The following EMP3 variants were observed in gnomAD, a reference collection of about 807,000 sequenced individuals.
EMP3 encodes epithelial membrane protein 3 (MAM blood group), also known as epithelial membrane protein 3.
A neutral mutation model predicts 21.6 loss-of-function variants in EMP3; 15 were observed. The observed-to-expected ratio is 0.69, with a 90% CI of 0.46 to 1.07. EMP3 has a LOEUF of 1.07. EMP3 is among the 50% of genes least tolerant of loss of function. The pLI is 0.00. For missense variants in EMP3, 183 were observed against 206.6 expected (o/e 0.89, Z 0.70); for synonymous variants, 107 against 86.1 (o/e 1.24, Z -1.34).
chr19:48,327,868 C>T (rs951812928), intron 3 of EMP3: 20 of 463,862 alleles, frequency 4.3e-5, no homozygotes, highest in Admixed American at 1.1e-4. Context: ...AGTGCAGTGG[C>T]GCAATCTTGG....
intron 1 of EMP3, chr19:48,326,149 C>G (rs965807187): frequency 4.6e-5 from 7 of 152,096 alleles, no homozygotes; most frequent in Non-Finnish European, 2.9e-5. Flanking sequence ...TCACCAGGTC[C>G]CCCTCCTCCC....
Position 48,329,490 on chromosome 19 carries a change from C to G in EMP3, c.320C>G (p.Thr107Ser), listed in dbSNP as rs144587503. 1.2e-6 allele frequency: 2 copies of G among 1,613,952 alleles called. No individual in the cohort carries two copies. The highest frequency in any genetic ancestry group is 1.7e-5 in the Admixed American group (1 of 59,986). ...GCCACCGGCCTCTGCCAGCTTTGCA[C>G]CAGTGAGCACTGCCCCTCCCCAACC... ...FYATGLCQLC[T>S]SVAVFTGALI... The change falls in exon 4 of 5, where the codon ACC becomes AGC. Residue 107 changes from threonine to serine, a missense_variant and splice_region_variant. By Grantham distance (58) the Thr-to-Ser change is moderately conservative (BLOSUM62 1). Transcript: ENST00000270221. The surrounding 1 kb of genome is among the most constrained non-coding windows in gnomAD (Gnocchi z 4.5).
intron 3 of EMP3, chr19:48,327,942 G>A: frequency 3.2e-6 from 1 of 316,552 alleles, no homozygotes; most frequent in East Asian, 7.9e-5. Context: ...CGAGTAGCTG[G>A]GACTGCAGGT....
At position 48,328,426 on chromosome 19, in the gene EMP3, A is replaced by C. The variant is rs537355900; in HGVS notation, c.181+803A>C. ...GATTCTGTCTCAAAAAAAAAAAAAAAAAAAAAGAATAGAGAAAAATCTCCC... is the reference window on the plus strand; with the variant it reads ...GATTCTGTCTCAAAAAAAAAAAAAACAAAAAAGAATAGAGAAAAATCTCCC... On this transcript the variant is annotated intron_variant, in intron 3 of 4. Transcript: ENST00000270221. 6.6e-5 allele frequency among the ~76,000 whole-genome samples: 10 copies of C among 151,580 alleles called. No individual in the cohort carries two copies. The East Asian group carries it at 1.2e-3, about 18-fold the overall frequency.
chr19:48,325,840 T>A (rs1191361202), intron 1 of EMP3, among the ~76,000 whole-genome samples: 1 of 152,038 alleles, frequency 6.6e-6, no homozygotes, highest in African/African-American at 2.4e-5. Context: ...CTGCAGTTTT[T>A]CCCTCAGCGG....
intron 1 of EMP3, among the ~76,000 whole-genome samples, chr19:48,326,344 C>G (rs1969122272): frequency 6.6e-6 from 1 of 152,014 alleles, no homozygotes; most frequent in Non-Finnish European, 1.5e-5. Flanking sequence ...ATTCAAGGAA[C>G]CCAAGAGTCC....
chr19:48,327,641 C>A lies in EMP3; in HGVS notation c.181+18C>A. 1 of 1,605,084 alleles carries A rather than the reference C, an allele frequency of 6.2e-7. No individual in the cohort carries two copies. The highest frequency in any genetic ancestry group is 8.5e-7 in the Non-Finnish European group (1 of 1,173,354). On this transcript the variant is annotated intron_variant, in intron 3 of 4. Transcript: ENST00000270221. ...CGAGAATGGTGAGGGGTGAGGGCGG[C>A]GGGACTGGTCTTCAAAGGGGAAGGT...
intron 1 of EMP3, chr19:48,325,987 C>G (rs549306182): frequency 4.6e-5 from 7 of 152,366 alleles, no homozygotes; most frequent in Admixed American, 6.5e-5. Context: ...TCTCTTCCCC[C>G]CAGCGCGAAT....
chr19:48,326,720 C>G, intron 1 of EMP3, 110 bp from the exon 2 acceptor site: 2 of 840,048 alleles, frequency 2.4e-6, no homozygotes, highest in East Asian at 5.0e-5. Flanking sequence ...GATCTCCTGA[C>G]CTCAGGTGAT....
At chr19:48,326,987 A>C in intron 2 of EMP3, 65 bp downstream of exon 2, 1 of 1,390,850 alleles carries the variant, frequency 7.2e-7, no homozygotes, top group Non-Finnish European at 1.0e-6. Flanking sequence ...CCCCTCCTCT[A>C]AAGGCATTCT....
chr19:48,325,741 A>T (rs2147343708), intron 1 of EMP3, 131 bp downstream of exon 1: 1 of 152,202 alleles, frequency 6.6e-6, no homozygotes, highest in South Asian at 2.1e-4. Context: ...TTAATAAGTG[A>T]TCTCTTAGCA....
chr19:48,326,631 C>T (rs1027683875), intron 1 of EMP3, among the ~76,000 whole-genome samples, 199 bp from the exon 2 acceptor site: 6 of 151,754 alleles, frequency 4.0e-5, no homozygotes, highest in Non-Finnish European at 7.4e-5. Flanking sequence ...GCTGGGATTA[C>T]AGGTGTGCAC....
At chr19:48,326,691 T>A in intron 1 of EMP3, 139 bp from the exon 2 acceptor site, 1 of 697,874 alleles carries the variant, frequency 1.4e-6, no homozygotes, top group Non-Finnish European at 2.6e-6. Context: ...GGTTTCACCA[T>A]GTTGGCCAGG....
At position 48,329,189 on chromosome 19, in the gene EMP3, CAG is replaced by C. The variant is rs770904350; in HGVS notation, c.182-162_182-161del. 1 of 795,722 alleles carries C rather than the reference CAG, an allele frequency of 1.3e-6. No individual in the cohort carries two copies. Among genetic ancestry groups the C allele is most frequent in the Non-Finnish European group, 2.0e-6 (1 of 510,656 alleles). The allele number at this position is 795,722 out of a possible 1,614,324, so 49.3% of individuals were successfully genotyped here. A position where few individuals can be genotyped will look rare whatever the true frequency, so the allele number is the denominator to read the frequency against. On this transcript the variant is annotated intron_variant, in intron 3 of 4. Coordinates refer to ENST00000270221, the MANE Select transcript of EMP3 (RefSeq NM_001425.3). The surrounding 1 kb of genome is among the most constrained non-coding windows in gnomAD (Gnocchi z 4.5). ...CTGAGAAGGGAATATAGCAAGGTAACAGGGCTCAAGGTCAAAATAAGTGATAC... is the reference window on the plus strand; with the variant it reads ...CTGAGAAGGGAATATAGCAAGGTAACGGCTCAAGGTCAAAATAAGTGATAC...
rs767665615 is a variant in EMP3 at position 48,327,638 on chromosome 19, C to T, written c.181+15C>T. ...CAGCGAGAATGGTGAGGGGTGAGGGCGGCGGGACTGGTCTTCAAAGGGGAA... is the reference window on the plus strand; with the variant it reads ...CAGCGAGAATGGTGAGGGGTGAGGGTGGCGGGACTGGTCTTCAAAGGGGAA... On this transcript the variant is annotated intron_variant, in intron 3 of 4. Coordinates refer to ENST00000270221, the MANE Select transcript of EMP3 (RefSeq NM_001425.3). 4 of 1,608,694 alleles carry T rather than the reference C, an allele frequency of 2.5e-6. No homozygotes were observed. Among genetic ancestry groups the T allele is most frequent in the African/African-American group, 2.7e-5 (2 of 74,940 alleles).
rs373966702 is a variant in EMP3, at chr19:48,330,165, G to T, written c.323-136G>T. 217 of 1,286,102 alleles carry T rather than the reference G, an allele frequency of 1.7e-4. 1 individual carries two copies. Among genetic ancestry groups the T allele is most frequent in the Non-Finnish European group, 2.1e-4 (203 of 964,478 alleles). 79.7% of individuals were successfully genotyped at this position (1,286,102 alleles called of 1,614,324 possible). A position where few individuals can be genotyped will look rare whatever the true frequency, so the allele number is the denominator to read the frequency against. ...CGCTACAGTTGCACGGCGCTGGGCG[G>T]GGGGGAAAGAACCACAACTCCCAGC... On this transcript the variant is annotated intron_variant, in intron 4 of 4. Coordinates refer to ENST00000270221, the MANE Select transcript of EMP3 (RefSeq NM_001425.3).
At chr19:48,325,799 G>T (rs1399113070) in intron 1 of EMP3, among the ~76,000 whole-genome samples, 189 bp downstream of exon 1, 1 of 151,916 alleles carries the variant, frequency 6.6e-6, no homozygotes, top group Non-Finnish European at 1.5e-5. Flanking sequence ...AAGTTTTGGG[G>T]TCCCAGCAGA....
rs370992861 is a variant in EMP3 at position 48,327,566 on chromosome 19, G to C, written c.124G>C (p.Asp42His). The change falls in exon 3 of 5, where the codon GAC becomes CAC. Residue 42 changes from aspartate to histidine, a missense_variant. Coordinates refer to ENST00000270221, the MANE Select transcript of EMP3 (RefSeq NM_001425.3). ...GAAAGAGTCCCTGAATCTCTGGTAC[G>C]ACTGCACGTGGAACAACGACACCAA... ...PGKESLNLWY[D>H]CTWNNDTKTW... The C allele has an allele frequency of 6.2e-7, 1 of 1,613,828 alleles. No individual in the cohort carries two copies. Among genetic ancestry groups the C allele is most frequent in the Non-Finnish European group, 8.5e-7 (1 of 1,179,970 alleles).
At chr19:48,328,411 C>CAAAAAAA (rs746709296) in intron 3 of EMP3, among the ~76,000 whole-genome samples, 12 of 80,582 alleles carry the variant, frequency 1.5e-4, no homozygotes, top group South Asian at 5.1e-4. Flanking sequence ...GATTCTGTCT[C>CAAAAAAA]AAAAAAAAAA....
Sources: allele counts gnomAD v4.1 joint callset (sites outside exome capture counted in the v4.1 genomes callset), GRCh38; gene constraint gnomAD v4.1.1; non-coding constraint Gnocchi (gnomAD v3.1); transcripts MANE v1.5; gene names NCBI Gene and HGNC (gene_info 2026-07-23, HGNC 2026-07-21).